The following SPAG16 variants were observed in gnomAD, a reference collection of about 807,000 sequenced individuals.
SPAG16 encodes sperm associated antigen 16.
A neutral mutation model predicts 80.4 loss-of-function variants in SPAG16; 86 were observed. The observed-to-expected ratio is 1.07, with a 90% CI of 0.90 to 1.28. SPAG16 has a LOEUF of 1.28. Ranked by LOEUF, SPAG16 falls within the 50% of genes most tolerant of loss-of-function variation. SPAG16 has a pLI of 0.00. For synonymous variants in SPAG16, 294 were observed against 265.9 expected (o/e 1.11, Z -1.03); for missense variants, 870 against 765.3 (o/e 1.14, Z -1.61).
intron 10 of SPAG16, among the ~76,000 whole-genome samples, chr2:213,679,538 A>G (rs1448358693): frequency 4.1e-5 from 5 of 122,774 alleles, no homozygotes; most frequent in Non-Finnish European, 8.6e-5. Context: ...AATACATTTT[A>G]AAAACGTGGA....
intron 14 of SPAG16, among the ~76,000 whole-genome samples, chr2:214,108,536 CT>C (rs2053514938): frequency 6.6e-6 from 1 of 151,096 alleles, no homozygotes; most frequent in Non-Finnish European, 1.5e-5. Flanking sequence ...CTGTAGTCAA[CT>C]TTACTTAAAC....
chr2:213,556,456 A>T (rs932244310), intron 10 of SPAG16, among the ~76,000 whole-genome samples: 1 of 152,102 alleles, frequency 6.6e-6, no homozygotes. Context: ...AGCTAAACTT[A>T]TATCAGATAC....
intron 10 of SPAG16, among the ~76,000 whole-genome samples, chr2:213,721,407 C>T (rs2066530199): frequency 1.3e-5 from 2 of 152,166 alleles, no homozygotes; most frequent in Non-Finnish European, 1.5e-5. Context: ...CCTATAATTC[C>T]AATTTTAGCA....
At chr2:214,106,576 G>A (rs2053395052) in intron 13 of SPAG16, among the ~76,000 whole-genome samples, 1 of 152,124 alleles carries the variant, frequency 6.6e-6, no homozygotes, top group Admixed American at 6.6e-5. Context: ...TGAGGACCAA[G>A]TAGAGATTAG....
intron 12 of SPAG16, among the ~76,000 whole-genome samples, chr2:213,952,968 A>G (rs535964870): frequency 6.6e-6 from 1 of 152,194 alleles, no homozygotes; most frequent in East Asian, 1.9e-4. Flanking sequence ...TAAAACTAAC[A>G]AACTGGACAG....
At chr2:214,137,001 G>C (rs992563066) in intron 14 of SPAG16, among the ~76,000 whole-genome samples, 5 of 152,020 alleles carry the variant, frequency 3.3e-5, no homozygotes, top group Non-Finnish European at 7.4e-5. Context: ...TGCCCATTTT[G>C]CATAGCAGAA....
chr2:214,343,331 T>C (rs1207717324), intron 15 of SPAG16, among the ~76,000 whole-genome samples: 1 of 152,154 alleles, frequency 6.6e-6, no homozygotes, highest in Non-Finnish European at 1.5e-5. Context: ...ATCAGATTTT[T>C]AAAAGAGAGG....
intron 10 of SPAG16, among the ~76,000 whole-genome samples, chr2:213,744,718 A>G (rs2067735355): frequency 6.6e-6 from 1 of 152,196 alleles, no homozygotes; most frequent in South Asian, 2.1e-4. Flanking sequence ...GACTTTGAGA[A>G]GGAAAAAGGC....
chr2:213,406,346 C>G (rs1293881908), intron 9 of SPAG16, among the ~76,000 whole-genome samples: 2 of 152,064 alleles, frequency 1.3e-5, no homozygotes, highest in East Asian at 1.9e-4. Context: ...ATTTCACACG[C>G]CAGATCAAAT....
At chr2:213,676,462 G>A (rs1343000186) in intron 10 of SPAG16, among the ~76,000 whole-genome samples, 2 of 150,042 alleles carry the variant, frequency 1.3e-5, no homozygotes, top group Non-Finnish European at 3.0e-5. Context: ...TCTTGTGCCA[G>A]TTTTCAAAGG....
At chr2:213,389,552 A>G (rs975065418) in intron 9 of SPAG16, among the ~76,000 whole-genome samples, 1 of 152,176 alleles carries the variant, frequency 6.6e-6, no homozygotes, top group African/African-American at 2.4e-5. Context: ...CTAAAACTCA[A>G]CAACAACAAA....
intron 15 of SPAG16, among the ~76,000 whole-genome samples, chr2:214,355,151 A>G (rs910888816): frequency 2.0e-5 from 3 of 151,074 alleles, no homozygotes; most frequent in Non-Finnish European, 4.4e-5. Context: ...CAATGGCAAC[A>G]AAAGCCAAAA....
intron 10 of SPAG16, among the ~76,000 whole-genome samples, chr2:213,717,547 C>T (rs1164247185): frequency 6.6e-6 from 1 of 151,568 alleles, no homozygotes; most frequent in South Asian, 2.1e-4. Flanking sequence ...CGTCCGGAGA[C>T]TTAAACTCTT....
intron 12 of SPAG16, among the ~76,000 whole-genome samples, chr2:213,933,379 A>G (rs192113317): frequency 1.5e-3 from 227 of 152,338 alleles, no homozygotes; most frequent in African/African-American, 5.3e-3. Flanking sequence ...TTAAAGCAAT[A>G]AGGGAATATG....
intron 11 of SPAG16, among the ~76,000 whole-genome samples, chr2:213,891,571 A>T (rs1458539283): frequency 2.6e-5 from 4 of 152,158 alleles, no homozygotes; most frequent in Non-Finnish European, 4.4e-5. Flanking sequence ...AAAGATGATT[A>T]AAAGCAATAC....
chr2:214,057,780 T>A (rs1480844349), intron 13 of SPAG16, among the ~76,000 whole-genome samples: 1 of 152,194 alleles, frequency 6.6e-6, no homozygotes, highest in African/African-American at 2.4e-5. Context: ...ATCAATTATC[T>A]TAGCTAGCTA....
At chr2:214,074,625 C>A (rs1023069113) in intron 13 of SPAG16, among the ~76,000 whole-genome samples, 1 of 151,534 alleles carries the variant, frequency 6.6e-6, no homozygotes, top group Non-Finnish European at 1.5e-5. Context: ...AAAAGACAAC[C>A]AGAGTGGGAG....
chr2:213,385,896 T>C (rs1488385770), intron 9 of SPAG16, among the ~76,000 whole-genome samples: 1 of 152,114 alleles, frequency 6.6e-6, no homozygotes, highest in Non-Finnish European at 1.5e-5. Context: ...TTTCCTAAAA[T>C]GACTTTCCTA....
chr2:214,146,115 T>G (rs1046525686), intron 14 of SPAG16, among the ~76,000 whole-genome samples: 1 of 152,218 alleles, frequency 6.6e-6, no homozygotes, highest in Non-Finnish European at 1.5e-5. Flanking sequence ...AAAAACATTT[T>G]CTTTGAAATA....
Sources: gnomAD v4.1 joint callset for allele counts (sites outside exome capture counted in the v4.1 genomes callset) on GRCh38, gnomAD v4.1.1 for gene constraint, MANE v1.5 for transcripts, NCBI Gene and HGNC (gene_info 2026-07-23, HGNC 2026-07-21) for gene names.